The following ADGRL3 variants were observed in gnomAD, a reference collection of about 807,000 sequenced individuals.
The protein encoded by ADGRL3 is adhesion G protein-coupled receptor L3.
A neutral mutation model predicts 153.5 loss-of-function variants in ADGRL3; 62 were observed. The ratio of observed to expected loss-of-function variants is 0.40; its 90% CI spans 0.33 to 0.50. The LOEUF is 0.50. Ranked by LOEUF, ADGRL3 falls within the 20% of genes least tolerant of loss-of-function variation. The pLI is 0.47. For synonymous variants in ADGRL3, 710 were observed against 672.5 expected (o/e 1.06, Z -0.86); for missense variants, 1,641 against 1,859.4 (o/e 0.88, Z 2.16).
In ADGRL3 at chr4:61,709,104, C is replaced by T. The variant is rs111935465; in HGVS notation, c.584-21518C>T. Among the ~76,000 whole-genome samples, 14 of 152,176 alleles carry T rather than the reference C, an allele frequency of 9.2e-5. 1 individual carries two copies. Among genetic ancestry groups the T allele is most frequent in the African/African-American group, 2.9e-4 (12 of 41,538 alleles). On this transcript the variant is annotated intron_variant, in intron 6 of 26. Coordinates refer to ENST00000683033, the MANE Select transcript of ADGRL3 (RefSeq NM_001387552.1). ...GATTCAAGGTGTGAGCCACTGCACC[C>T]GGCTCAGTTCTTAAACTTCAAGGCC...
chr4:61,758,472 G>A (rs2096866804), intron 8 of ADGRL3, among the ~76,000 whole-genome samples: 2 of 152,104 alleles, frequency 1.3e-5, no homozygotes, highest in Non-Finnish European at 2.9e-5. Flanking sequence ...TTGGTTTAAA[G>A]TCTGTTTTAT....
At chr4:61,530,175 A>G (rs2098603667) in intron 4 of ADGRL3, among the ~76,000 whole-genome samples, 1 of 152,152 alleles carries the variant, frequency 6.6e-6, no homozygotes, top group Admixed American at 6.5e-5. Flanking sequence ...CTACAGAGAG[A>G]AAATTGCATA....
At chr4:62,017,440 G>GTT (rs762736392) in intron 21 of ADGRL3, among the ~76,000 whole-genome samples, 1 of 141,730 alleles carries the variant, frequency 7.1e-6, no homozygotes, top group Non-Finnish European at 1.5e-5. Context: ...TTACTTGGGA[G>GTT]TTTTTTTTTT....
chr4:61,818,750 T>C (rs73203781), intron 9 of ADGRL3, among the ~76,000 whole-genome samples: 2,789 of 152,216 alleles, frequency 0.018, 100 homozygotes, highest in African/African-American at 0.064. Context: ...TCTTATTCGA[T>C]TTAGGAGGAA....
At chr4:61,874,528 G>C (rs867752285) in intron 9 of ADGRL3, among the ~76,000 whole-genome samples, 5 of 151,636 alleles carry the variant, frequency 3.3e-5, no homozygotes, top group African/African-American at 4.8e-5. Context: ...GTGAATATCA[G>C]CAAGAGGGGC....
At chr4:61,309,665 ATG>A (rs1464732847) in intron 1 of ADGRL3, among the ~76,000 whole-genome samples, 1 of 152,076 alleles carries the variant, frequency 6.6e-6, no homozygotes, top group Non-Finnish European at 1.5e-5. Flanking sequence ...TAATTTTTAG[ATG>A]TGTTCACCAA....
intron 2 of ADGRL3, among the ~76,000 whole-genome samples, chr4:61,466,036 CACTTGAACTCGGG>C (rs2097879462): frequency 6.6e-6 from 1 of 151,758 alleles, no homozygotes; most frequent in Non-Finnish European, 1.5e-5. Flanking sequence ...ACAGGAGAAT[CACTTGAACTCGGG>C]AGGCGGATGT....
At chr4:62,048,101 G>T (rs1259667044) in intron 25 of ADGRL3, among the ~76,000 whole-genome samples, 1 of 152,088 alleles carries the variant, frequency 6.6e-6, no homozygotes, top group Non-Finnish European at 1.5e-5. Flanking sequence ...AGGGCTGTTG[G>T]AAATCTAATT....
intron 19 of ADGRL3, among the ~76,000 whole-genome samples, chr4:61,992,239 AG>A (rs529384197): frequency 1.2e-3 from 182 of 152,286 alleles, no homozygotes; most frequent in African/African-American, 4.3e-3. Context: ...CAGTGTGTTT[AG>A]TGTGATAAAT....
intron 5 of ADGRL3, among the ~76,000 whole-genome samples, chr4:61,588,158 TA>T (rs1324979639): frequency 6.6e-6 from 1 of 151,828 alleles, no homozygotes; most frequent in Non-Finnish European, 1.5e-5. Flanking sequence ...ATTTGTTCAC[TA>T]TTACTATGCT....
At chr4:61,483,919 T>C (rs1200294962) in intron 2 of ADGRL3, among the ~76,000 whole-genome samples, 1 of 151,048 alleles carries the variant, frequency 6.6e-6, no homozygotes, top group East Asian at 1.9e-4. Flanking sequence ...TGTTCTGTTA[T>C]AAAGTTCTTT....
At chr4:61,399,225 A>C (rs77000431) in intron 2 of ADGRL3, among the ~76,000 whole-genome samples, 4,387 of 151,756 alleles carry the variant, frequency 0.029, 217 homozygotes, top group East Asian at 0.2. Flanking sequence ...TTAGTTAAGG[A>C]TGTATAATAT....
rs143234980 is a variant in ADGRL3 at position 61,425,823 on chromosome 4, C to G, written c.-174+42634C>G. 4.6e-3 allele frequency among the ~76,000 whole-genome samples: 708 copies of G among 152,366 alleles called. 5 individuals are homozygous for G. Among genetic ancestry groups the G allele is most frequent in the African/African-American group, 0.016 (683 of 41,600 alleles). ...GTAAATCACACAGTAGGCCCTCCCC[C>G]CTGGGGCTATGGTAGCCAACCATCT... is the stretch of plus-strand genomic sequence containing the variant. On this transcript the variant is annotated intron_variant, in intron 2 of 26. Coordinates refer to ENST00000683033, the MANE Select transcript of ADGRL3 (RefSeq NM_001387552.1).
At position 61,901,980 on chromosome 4, in the gene ADGRL3, G is replaced by A. The variant is rs1469139133; in HGVS notation, c.1887+6146G>A. Among the ~76,000 whole-genome samples the A allele has an allele frequency of 2.0e-5, 3 of 152,034 alleles. No homozygotes were observed. The East Asian group carries it at 5.8e-4, about 29-fold the overall frequency. ...GTGAGGTCTTTAAGCTATGAGATGT[G>A]GAATAAATGTATTTCAGCCCTGCCT... is the stretch of plus-strand genomic sequence containing the variant. On this transcript the variant is annotated intron_variant, in intron 11 of 26. Transcript: ENST00000683033.
At chr4:61,509,628 G>GTA (rs139982097) in intron 3 of ADGRL3, among the ~76,000 whole-genome samples, 1,767 of 149,924 alleles carry the variant, frequency 0.012, 30 homozygotes, top group African/African-American at 0.038. Context: ...GTGTGCGTGT[G>GTA]TATATATATA....
At chr4:61,845,422 C>T (rs1283801763) in intron 9 of ADGRL3, among the ~76,000 whole-genome samples, 1 of 151,924 alleles carries the variant, frequency 6.6e-6, no homozygotes, top group Non-Finnish European at 1.5e-5. Context: ...ATGATCATGG[C>T]GCACTGCACC....
intron 2 of ADGRL3, among the ~76,000 whole-genome samples, chr4:61,395,407 A>T (rs1222771987): frequency 6.6e-6 from 1 of 152,004 alleles, no homozygotes; most frequent in Non-Finnish European, 1.5e-5. Context: ...TAATTGATAA[A>T]CAAAGAATAA....
chr4:62,056,010 C>A (rs2151811413), intron 25 of ADGRL3, among the ~76,000 whole-genome samples: 1 of 151,512 alleles, frequency 6.6e-6, no homozygotes, highest in East Asian at 1.9e-4. Flanking sequence ...TCCTACAAGG[C>A]TCCTAATAAA....
At chr4:61,435,571 T>C (rs567206419) in intron 2 of ADGRL3, among the ~76,000 whole-genome samples, 2 of 152,154 alleles carry the variant, frequency 1.3e-5, no homozygotes, top group Non-Finnish European at 2.9e-5. Context: ...TTTGTCTGCA[T>C]TGTATTTTAT....
Sources: gnomAD v4.1 joint callset for allele counts (sites outside exome capture counted in the v4.1 genomes callset) on GRCh38, gnomAD v4.1.1 for gene constraint, MANE v1.5 for transcripts, NCBI Gene and HGNC (gene_info 2026-07-23, HGNC 2026-07-21) for gene names.